The following PPP3CA variants were observed in gnomAD, a reference collection of about 807,000 sequenced individuals.
PPP3CA encodes the protein CAM-PRP catalytic subunit.
PPP3CA carries 14 observed loss-of-function variants against 66.5 expected under a neutral mutation model. That is an observed-to-expected ratio of 0.21 (90% CI 0.14 to 0.33). The LOEUF (loss-of-function observed/expected upper bound fraction) is 0.33. Among genes scored for constraint, PPP3CA ranks in the 10% least tolerant of loss-of-function variants. The pLI is 1.00. For synonymous variants in PPP3CA, 232 were observed against 226.2 expected, an observed-to-expected ratio of 1.03 and a Z score of -0.23; for missense variants, 317 against 639.5, an observed-to-expected ratio of 0.50 and a Z score of 5.44.
Position 101,023,574 on chromosome 4 carries a change from G to A in PPP3CA, c.*2291C>T, listed in dbSNP as rs2110198775. The A allele has an allele frequency of 6.6e-6, 1 of 152,466 alleles. No individual in the cohort carries two copies. The highest frequency in any genetic ancestry group is 6.5e-5 in the Admixed American group (1 of 15,296). 9.4% of individuals were successfully genotyped at this position (152,466 alleles called of 1,614,324 possible). A position where few individuals can be genotyped will look rare whatever the true frequency, so the allele number is the denominator to read the frequency against. On this transcript the variant is annotated 3_prime_UTR_variant, in exon 14 of 14. Transcript: ENST00000394854. ...AAAGAAAATAAACACCATGATACCA[G>A]AATCACCATTTCTTTCACATCATCA...
chr4:101,181,142 CT>C, intron 2 of PPP3CA, among the ~76,000 whole-genome samples: 1 of 151,906 alleles, frequency 6.6e-6, no homozygotes, highest in Non-Finnish European at 1.5e-5. Flanking sequence ...TTGGTAAGTA[CT>C]TTTTTCCCCT....
At chr4:101,280,744 C>A (rs916943978) in intron 1 of PPP3CA, among the ~76,000 whole-genome samples, 2 of 148,900 alleles carry the variant, frequency 1.3e-5, no homozygotes, top group African/African-American at 5.0e-5. Flanking sequence ...CACTTGAACC[C>A]AGGAGGCAGA....
chr4:101,210,010 T>C (rs1725251673), intron 1 of PPP3CA, among the ~76,000 whole-genome samples: 1 of 152,226 alleles, frequency 6.6e-6, no homozygotes, highest in South Asian at 2.1e-4. Flanking sequence ...TAGGAGATTG[T>C]TGAAATTTCA....
At chr4:101,118,074 T>C (rs1328067939) in intron 2 of PPP3CA, among the ~76,000 whole-genome samples, 1 of 152,056 alleles carries the variant, frequency 6.6e-6, no homozygotes, top group Non-Finnish European at 1.5e-5. Context: ...TGTTCGGCTG[T>C]CTTAGTGTTT....
At chr4:101,275,550 C>T (rs573632760) in intron 1 of PPP3CA, among the ~76,000 whole-genome samples, 11 of 152,112 alleles carry the variant, frequency 7.2e-5, no homozygotes, top group Non-Finnish European at 1.6e-4. Context: ...TTCAAATACA[C>T]GAGGCTTATC....
intron 1 of PPP3CA, among the ~76,000 whole-genome samples, chr4:101,313,962 G>C (rs1728803514): frequency 6.6e-6 from 1 of 152,172 alleles, no homozygotes. Flanking sequence ...CTTCTAAGGA[G>C]AACTTCACTT....
chr4:101,145,598 CAG>C (rs1251581740), intron 2 of PPP3CA, among the ~76,000 whole-genome samples: 7 of 151,868 alleles, frequency 4.6e-5, no homozygotes. Context: ...CTCATGAAGA[CAG>C]AGAGTAGAAT....
At chr4:101,078,162 C>A (rs1578425318) in intron 8 of PPP3CA, among the ~76,000 whole-genome samples, 3 of 152,062 alleles carry the variant, frequency 2.0e-5, no homozygotes, top group Admixed American at 2.0e-4. Context: ...GAACAATACA[C>A]TCATGTTTAT....
chr4:101,195,015 G>A (rs894277114), intron 2 of PPP3CA, among the ~76,000 whole-genome samples: 10 of 152,122 alleles, frequency 6.6e-5, no homozygotes, highest in African/African-American at 2.2e-4. Flanking sequence ...GCTTATGCCT[G>A]TAATCCCAGC....
chr4:101,286,550 G>A (rs896735534), intron 1 of PPP3CA, among the ~76,000 whole-genome samples: 6 of 152,034 alleles, frequency 3.9e-5, no homozygotes, highest in South Asian at 2.1e-4. Flanking sequence ...AGTTAATTAC[G>A]TTAATAAAAT....
At chr4:101,028,835 A>G (rs1198612118) in intron 13 of PPP3CA, among the ~76,000 whole-genome samples, 1 of 152,192 alleles carries the variant, frequency 6.6e-6, no homozygotes, top group Non-Finnish European at 1.5e-5. Context: ...GACATGGTTC[A>G]GCTCAAAGAT....
intron 10 of PPP3CA, among the ~76,000 whole-genome samples, chr4:101,048,237 ATCACTTTTAAGAAAATAAGACTTAT>A (rs1560577458): frequency 6.6e-6 from 1 of 152,166 alleles, no homozygotes; most frequent in Non-Finnish European, 1.5e-5. Flanking sequence ...TCTCAGGCTG[ATCACTTTTAAGAAAATAAGACTTAT>A]GGTGGCTGAG....
chr4:101,225,852 A>G (rs919684880), intron 1 of PPP3CA, among the ~76,000 whole-genome samples: 1 of 151,818 alleles, frequency 6.6e-6, no homozygotes, highest in Admixed American at 6.6e-5. Flanking sequence ...AAAAGCAAAT[A>G]TCAATATGTG....
intron 5 of PPP3CA, among the ~76,000 whole-genome samples, chr4:101,096,501 C>T (rs889346024): frequency 3.9e-5 from 6 of 152,144 alleles, no homozygotes; most frequent in Admixed American, 2.6e-4. Flanking sequence ...TATTTATTCT[C>T]TACAGTATAG....
At chr4:101,344,403 A>G (rs1368531708) in intron 1 of PPP3CA, among the ~76,000 whole-genome samples, 1 of 152,208 alleles carries the variant, frequency 6.6e-6, no homozygotes, top group Non-Finnish European at 1.5e-5. Flanking sequence ...ATAATATTCT[A>G]CAAGAAAACA....
At chr4:101,124,303 T>C (rs930920751) in intron 2 of PPP3CA, among the ~76,000 whole-genome samples, 16 of 152,016 alleles carry the variant, frequency 1.1e-4, no homozygotes, top group Non-Finnish European at 1.8e-4. Flanking sequence ...AAATAGAAAT[T>C]ACATATTAAT....
chr4:101,133,878 G>T (rs930189468), intron 2 of PPP3CA, among the ~76,000 whole-genome samples: 2 of 152,230 alleles, frequency 1.3e-5, no homozygotes, highest in African/African-American at 4.8e-5. Flanking sequence ...AAACAGCATG[G>T]TACTGGTACC....
intron 2 of PPP3CA, among the ~76,000 whole-genome samples, chr4:101,172,990 G>A (rs1723934070): frequency 6.6e-6 from 1 of 152,142 alleles, no homozygotes; most frequent in Non-Finnish European, 1.5e-5. Context: ...TTTAAATCCA[G>A]CATTCCCAGA....
At chr4:101,232,640 T>C (rs1725999439) in intron 1 of PPP3CA, among the ~76,000 whole-genome samples, 1 of 151,726 alleles carries the variant, frequency 6.6e-6, no homozygotes, top group African/African-American at 2.4e-5. Flanking sequence ...TAATTTTACA[T>C]GCTTTCTTTT....
Sources: gnomAD v4.1 joint callset for allele counts (sites outside exome capture counted in the v4.1 genomes callset) on GRCh38, gnomAD v4.1.1 for gene constraint, MANE v1.5 for transcripts, NCBI Gene and HGNC (gene_info 2026-07-23, HGNC 2026-07-21) for gene names.